Variants in QTMAN observed in about 807,000 individuals in gnomAD.
The protein encoded by QTMAN is tRNA-queuosine alpha-mannosyltransferase.
chr2:144,255,124 C>G, the QTMAN span, among the ~76,000 whole-genome samples: 2 of 152,084 alleles, frequency 1.3e-5, no homozygotes, highest in African/African-American at 2.4e-5. Context: ...CTTTGGTGGA[C>G]TGTTGGAAAG....
the QTMAN span, among the ~76,000 whole-genome samples, chr2:143,975,186 C>T: frequency 1.3e-5 from 2 of 150,636 alleles, no homozygotes; most frequent in East Asian, 1.9e-4. Context: ...TATATCTGTT[C>T]TCTCTCTCTG....
the QTMAN span, among the ~76,000 whole-genome samples, chr2:144,270,000 TTTAA>T: frequency 5.9e-5 from 9 of 152,270 alleles, no homozygotes; most frequent in African/African-American, 1.2e-4. Context: ...GATGGGTTAT[TTTAA>T]TTAATCTATA....
chr2:144,135,999 T>G, the QTMAN span, among the ~76,000 whole-genome samples: 1 of 152,108 alleles, frequency 6.6e-6, no homozygotes. Flanking sequence ...TTGTTATGGC[T>G]AGTTCTACCA....
chr2:144,281,336 G>A, the QTMAN span, among the ~76,000 whole-genome samples: 1 of 104,096 alleles, frequency 9.6e-6, no homozygotes, highest in Non-Finnish European at 1.8e-5. Flanking sequence ...CAGAATTAGA[G>A]AAATTCACAA....
chr2:144,316,730 A>C, the QTMAN span, among the ~76,000 whole-genome samples: 1 of 152,218 alleles, frequency 6.6e-6, no homozygotes, highest in African/African-American at 2.4e-5. Flanking sequence ...CAACACTAAC[A>C]TGAAGTCATT....
At chr2:144,129,206 A>G in the QTMAN span, among the ~76,000 whole-genome samples, 1 of 151,938 alleles carries the variant, frequency 6.6e-6, no homozygotes, top group Admixed American at 6.6e-5. Flanking sequence ...TAGTTAGTCA[A>G]TAAGGCAGAT....
chr2:144,145,543 C>A, the QTMAN span: 6 of 1,550,550 alleles, frequency 3.9e-6, no homozygotes, highest in East Asian at 2.3e-5. Flanking sequence ...TAGCAAAGGG[C>A]CAAATATAAT....
At chr2:144,185,516 T>G in the QTMAN span, among the ~76,000 whole-genome samples, 1 of 152,190 alleles carries the variant, frequency 6.6e-6, no homozygotes, top group African/African-American at 2.4e-5. Flanking sequence ...CCCATATTAA[T>G]TCATCAACGT....
chr2:144,011,863 G>A, the QTMAN span: 1 of 319,774 alleles, frequency 3.1e-6, no homozygotes, highest in Non-Finnish European at 4.5e-6. Context: ...AGAGAGAAAA[G>A]AAAGGGTCAG....
At chr2:144,277,082 T>C in the QTMAN span, among the ~76,000 whole-genome samples, 18 of 152,132 alleles carry the variant, frequency 1.2e-4, no homozygotes, top group Non-Finnish European at 1.8e-4. Context: ...AGGCAGACAA[T>C]AGGTGCCCAC....
At chr2:144,140,447 G>T in the QTMAN span, among the ~76,000 whole-genome samples, 1 of 151,820 alleles carries the variant, frequency 6.6e-6, no homozygotes, top group African/African-American at 2.4e-5. Flanking sequence ...AAAATATAAG[G>T]TTCATATTTT....
the QTMAN span, chr2:143,970,789 T>TTTTG: frequency 1.7e-6 from 2 of 1,207,142 alleles, no homozygotes; most frequent in Non-Finnish European, 2.5e-6. Flanking sequence ...AAAATATAAC[T>TTTTG]TGTGTTACCT....
chr2:144,193,990 A>T, the QTMAN span, among the ~76,000 whole-genome samples: 1 of 152,200 alleles, frequency 6.6e-6, no homozygotes, highest in African/African-American at 2.4e-5. Context: ...GGAATAAAAG[A>T]AGTACATTAT....
the QTMAN span, among the ~76,000 whole-genome samples, chr2:144,116,449 G>A: frequency 6.6e-6 from 1 of 152,028 alleles, no homozygotes; most frequent in African/African-American, 2.4e-5. Context: ...TTCTAAAAAT[G>A]TTTTTCCATT....
chr2:144,108,182 T>C, the QTMAN span, among the ~76,000 whole-genome samples: 1 of 152,218 alleles, frequency 6.6e-6, no homozygotes, highest in South Asian at 2.1e-4. Context: ...GCATTCCCTT[T>C]GAAAACTGGC....
chr2:144,011,905 TC>T, the QTMAN span: 1 of 175,286 alleles, frequency 5.7e-6, no homozygotes, highest in Non-Finnish European at 1.1e-5. Context: ...ATGTCAGGTT[TC>T]CCATTTAATA....
chr2:144,145,108 T>A, the QTMAN span, among the ~76,000 whole-genome samples: 538 of 109,018 alleles, frequency 4.9e-3, 1 homozygote, highest in Middle Eastern at 8.9e-3. Context: ...TCTTACAATT[T>A]AAAAAAAAAA....
chr2:144,154,336 G>A, the QTMAN span, among the ~76,000 whole-genome samples: 1 of 152,148 alleles, frequency 6.6e-6, no homozygotes, highest in South Asian at 2.1e-4. Flanking sequence ...CAAGGAGGAG[G>A]TCAGGGCACT....
chr2:144,137,715 G>GAGAGAGAA, the QTMAN span, among the ~76,000 whole-genome samples: 2 of 152,002 alleles, frequency 1.3e-5, no homozygotes, highest in Non-Finnish European at 2.9e-5. Flanking sequence ...AAGAAGAGGA[G>GAGAGAGAA]AGAGAGAAAG....
Sources: gnomAD v4.1 joint callset for allele counts (sites outside exome capture counted in the v4.1 genomes callset) on GRCh38, gnomAD v4.1.1 for gene constraint, MANE v1.5 for transcripts, NCBI Gene and HGNC (gene_info 2026-07-23, HGNC 2026-07-21) for gene names.